Variants in NT5DC3 observed in about 807,000 individuals in gnomAD.
The protein encoded by NT5DC3 is 5'-nucleotidase domain containing 3, also known as 5'-nucleotidase domain-containing protein 3.
In NT5DC3, 42 loss-of-function variants were observed where a neutral mutation model predicts 67.8. The observed-to-expected ratio is 0.62, with a 90% CI of 0.48 to 0.80. The LOEUF is 0.80. Ranked by LOEUF, NT5DC3 falls within the 30% of genes least tolerant of loss-of-function variation. NT5DC3 has a pLI of 0.00. For synonymous variants in NT5DC3, 237 were observed against 255.6 expected, an observed-to-expected ratio of 0.93 and a Z score of 0.69; for missense variants, 570 against 696.4, an observed-to-expected ratio of 0.82 and a Z score of 2.04.
chr12:103,748,601 CACAT>C, the NT5DC3 span, among the ~76,000 whole-genome samples: 1,051 of 29,954 alleles, frequency 0.035, 10 homozygotes, highest in African/African-American at 0.12. Context: ...CACACACACA[CACAT>C]ACACACACAC....
chr12:103,832,178 G>A (rs947972217), intron 1 of NT5DC3, among the ~76,000 whole-genome samples: 7 of 151,722 alleles, frequency 4.6e-5, no homozygotes, highest in South Asian at 4.2e-4. Context: ...CAGCGTGTGG[G>A]TATTCTATAC....
chr12:103,838,221 A>C (rs1888233704), intron 1 of NT5DC3, among the ~76,000 whole-genome samples: 1 of 152,236 alleles, frequency 6.6e-6, no homozygotes. Context: ...GGTCCCTCCC[A>C]AAGTACATGG....
At chr12:103,769,238 G>A (rs997958066), downstream of NT5DC3, among the ~76,000 whole-genome samples, 2 of 152,234 alleles carry the variant, frequency 1.3e-5, no homozygotes, top group African/African-American at 4.8e-5. Flanking sequence ...CCAACTTCTC[G>A]CAATAACTGT....
chr12:103,805,985 C>T (rs1886783208), intron 4 of NT5DC3, among the ~76,000 whole-genome samples: 1 of 152,112 alleles, frequency 6.6e-6, no homozygotes, highest in African/African-American at 2.4e-5. Context: ...AGCTTGCCAG[C>T]CAGCATCTCT....
chr12:103,791,206 C>A (rs1362405820), intron 9 of NT5DC3, among the ~76,000 whole-genome samples: 1 of 152,110 alleles, frequency 6.6e-6, no homozygotes, highest in African/African-American at 2.4e-5. Flanking sequence ...AGACACCCTG[C>A]CTGCGCCATC....
chr12:103,818,374 C>T (rs1048763573), intron 1 of NT5DC3, among the ~76,000 whole-genome samples: 2 of 151,556 alleles, frequency 1.3e-5, no homozygotes, highest in Admixed American at 1.3e-4. Flanking sequence ...GAGATAACGA[C>T]CATGGCCTTT....
intron 4 of NT5DC3, among the ~76,000 whole-genome samples, chr12:103,803,633 C>A (rs1030827481): frequency 2.0e-5 from 3 of 152,084 alleles, no homozygotes; most frequent in African/African-American, 7.2e-5. Context: ...TTCTCCCACC[C>A]TCCACCCTCC....
intron 1 of NT5DC3, among the ~76,000 whole-genome samples, chr12:103,834,933 A>G (rs757393575): frequency 3.9e-5 from 6 of 152,210 alleles, no homozygotes; most frequent in Admixed American, 3.3e-4. Flanking sequence ...TTTTAAATGA[A>G]TTCATCGGTA....
In NT5DC3 at chr12:103,773,037, G is replaced by C. The variant is rs1441380729; in HGVS notation, c.*4792C>G. ...TCAAGTACACACACTGGCCATACAT[G>C]TAACTATGCCCAGGAAGTAGCTCAG... is the stretch of plus-strand genomic sequence containing the variant. On this transcript the variant is annotated 3_prime_UTR_variant, in exon 14 of 14. Transcript: ENST00000392876. 1 of 152,178 alleles carries C rather than the reference G, an allele frequency of 6.6e-6. No individual in the cohort carries two copies. Among genetic ancestry groups the C allele is most frequent in the Non-Finnish European group, 1.5e-5 (1 of 68,048 alleles). The allele number at this position is 152,178 out of a possible 1,614,324, so 9.4% of individuals were successfully genotyped here.
In NT5DC3 at chr12:103,798,657, T is replaced by A. The variant is rs748033686; in HGVS notation, c.545A>T (p.Asp182Val). ...CTCGTACATTTCAATGACTTCTTCATCAGGGACAACACTGAGGCCTCTGGA... is the reference window on the plus strand; with the variant it reads ...CTCGTACATTTCAATGACTTCTTCAACAGGGACAACACTGAGGCCTCTGGA... ...TVYRGLSVVP[D>V]EEVIEMYEGS... The change falls in exon 5 of 14, where the codon GAT becomes GTT. Residue 182 changes from aspartate (D) to valine (V), a missense_variant. By Grantham distance (152) the Asp-to-Val change is radical. Coordinates refer to ENST00000392876, the MANE Select transcript of NT5DC3 (RefSeq NM_001031701.3). The A allele has an allele frequency of 3.7e-6, 6 of 1,613,830 alleles. No individual in the cohort carries two copies. The Admixed American group carries it at 1.0e-4, about 27-fold the overall frequency.
intron 4 of NT5DC3, among the ~76,000 whole-genome samples, chr12:103,800,977 T>C (rs1886548101): frequency 6.6e-6 from 1 of 152,144 alleles, no homozygotes; most frequent in South Asian, 2.1e-4. Context: ...GTAAGCACTA[T>C]AGAGAGGCTT....
chr12:103,787,393 T>G, intron 11 of NT5DC3, 48 bp downstream of exon 11: 2 of 871,082 alleles, frequency 2.3e-6, no homozygotes, highest in Non-Finnish European at 1.7e-6. Context: ...CTTTAGTAAG[T>G]GAGACTAACA....
chr12:103,819,360 G>A (rs1242130230), intron 1 of NT5DC3, among the ~76,000 whole-genome samples: 1 of 152,192 alleles, frequency 6.6e-6, no homozygotes, highest in Non-Finnish European at 1.5e-5. Context: ...AAACAGTCTG[G>A]CTAAACTTTA....
the NT5DC3 span, chr12:103,759,283 C>A: frequency 1.9e-6 from 3 of 1,612,084 alleles, no homozygotes; most frequent in Non-Finnish European, 2.5e-6. Flanking sequence ...GGTACAAAGT[C>A]TTCTGGGCTT....
In NT5DC3 at chr12:103,787,435, C is replaced by T; in HGVS notation, c.1188+6G>A. On this transcript the variant is annotated splice_donor_region_variant and intron_variant, in intron 11 of 13. Transcript: ENST00000392876. ...TCCCCCAACAAAGGAAAAAAGGGCC[C>T]CTCACCGCCAGGTCACTGTATATAT... 1 of 1,522,146 alleles carries T rather than the reference C, an allele frequency of 6.6e-7. No homozygotes were observed. Among genetic ancestry groups the T allele is most frequent in the Admixed American group, 2.0e-5 (1 of 51,118 alleles). The allele number at this position is 1,522,146 out of a possible 1,614,324, so 94.3% of individuals were successfully genotyped here. A position where few individuals can be genotyped will look rare whatever the true frequency, so the allele number is the denominator to read the frequency against.
At chr12:103,763,053 C>T in the NT5DC3 span, among the ~76,000 whole-genome samples, 2 of 152,250 alleles carry the variant, frequency 1.3e-5, no homozygotes, top group South Asian at 4.1e-4. Context: ...TGCCTTCTGG[C>T]AGACAGCTTG....
At chr12:103,800,977 TAG>T (rs1013835388) in intron 4 of NT5DC3, among the ~76,000 whole-genome samples, 10 of 152,262 alleles carry the variant, frequency 6.6e-5, no homozygotes, top group Middle Eastern at 3.4e-3. Context: ...GTAAGCACTA[TAG>T]AGAGGCTTCA....
At chr12:103,754,843 G>A in the NT5DC3 span, among the ~76,000 whole-genome samples, 91 of 152,064 alleles carry the variant, frequency 6.0e-4, no homozygotes, top group African/African-American at 2.1e-3. Context: ...CTACCCAGGA[G>A]GTTGAGACAG....
chr12:103,775,640 A>G lies in NT5DC3; in HGVS notation c.*2189T>C, dbSNP rs929813852. Reference sequence around the variant, plus strand: ...CTGATGGCGAAAACACCTAGAAGCAAGCAAACAATAAACAAAATGCCTACC... The same window carrying G: ...CTGATGGCGAAAACACCTAGAAGCAGGCAAACAATAAACAAAATGCCTACC... On this transcript the variant is annotated 3_prime_UTR_variant, in exon 14 of 14. Coordinates refer to ENST00000392876, the MANE Select transcript of NT5DC3 (RefSeq NM_001031701.3). The G allele has an allele frequency of 6.6e-6, 1 of 152,342 alleles. No individual in the cohort carries two copies. The highest frequency in any genetic ancestry group is 2.1e-4 in the South Asian group (1 of 4,816). The allele number at this position is 152,342 out of a possible 1,614,324, so 9.4% of individuals were successfully genotyped here. A position where few individuals can be genotyped will look rare whatever the true frequency, so the allele number is the denominator to read the frequency against.
Sources: gnomAD v4.1 joint callset for allele counts (sites outside exome capture counted in the v4.1 genomes callset) on GRCh38, gnomAD v4.1.1 for gene constraint, MANE v1.5 for transcripts, NCBI Gene and HGNC (gene_info 2026-07-23, HGNC 2026-07-21) for gene names.